Variants in PATJ observed in about 807,000 individuals in gnomAD.
PATJ encodes the protein inaD-like protein.
Under a neutral mutation model 224.9 loss-of-function variants are expected in PATJ, and 190 were observed. That is an observed-to-expected ratio of 0.84 (90% CI 0.75 to 0.95). The LOEUF is 0.95. Among genes scored for constraint, PATJ ranks in the 40% least tolerant of loss-of-function variants. The pLI, the probability that PATJ is intolerant of heterozygous loss-of-function variation, is 0.00. For synonymous variants in PATJ, 769 were observed against 820.3 expected (o/e 0.94, Z 1.07); for missense variants, 2,121 against 2,270.3 (o/e 0.93, Z 1.34).
At chr1:61,813,445 G>T (rs1292788356) in intron 14 of PATJ, among the ~76,000 whole-genome samples, 1 of 147,206 alleles carries the variant, frequency 6.8e-6, no homozygotes, top group African/African-American at 2.5e-5. Flanking sequence ...GTATAAATGG[G>T]CAGAAGGGCT....
chr1:61,800,261 AGTT>A (rs1474655823), intron 11 of PATJ, among the ~76,000 whole-genome samples: 2 of 152,106 alleles, frequency 1.3e-5, no homozygotes, highest in Non-Finnish European at 2.9e-5. Context: ...TGCCAATATC[AGTT>A]GTTTTTTGAC....
At chr1:61,934,547 T>C (rs1004847093) in intron 27 of PATJ, among the ~76,000 whole-genome samples, 2 of 152,212 alleles carry the variant, frequency 1.3e-5, no homozygotes, top group African/African-American at 4.8e-5. Context: ...AGAAGAGCCT[T>C]TGAAGAAGGT....
chr1:62,126,143 C>G (rs756161509), intron 39 of PATJ, among the ~76,000 whole-genome samples: 5 of 152,350 alleles, frequency 3.3e-5, no homozygotes, highest in Non-Finnish European at 4.4e-5. Flanking sequence ...GGTTCACAAA[C>G]AGAATTGAGG....
intron 22 of PATJ, among the ~76,000 whole-genome samples, chr1:61,898,742 T>A (rs1670714204): frequency 6.6e-6 from 1 of 152,226 alleles, no homozygotes; most frequent in Non-Finnish European, 1.5e-5. Flanking sequence ...ATTAATCTGA[T>A]AACCAAATAC....
chr1:62,150,405 G>C (rs1259825527), intron 42 of PATJ, among the ~76,000 whole-genome samples: 1 of 152,124 alleles, frequency 6.6e-6, no homozygotes, highest in African/African-American at 2.4e-5. Context: ...AACTGTAGGA[G>C]AGCTAAATTC....
At chr1:62,140,839 T>A (rs1667426049) in intron 41 of PATJ, among the ~76,000 whole-genome samples, 1 of 148,692 alleles carries the variant, frequency 6.7e-6, no homozygotes, top group African/African-American at 2.5e-5. Flanking sequence ...AGTCCAGGAG[T>A]TCAAGGCTGC....
At chr1:62,089,352 A>C (rs988246746) in intron 33 of PATJ, among the ~76,000 whole-genome samples, 2 of 151,302 alleles carry the variant, frequency 1.3e-5, no homozygotes, top group African/African-American at 2.4e-5. Flanking sequence ...TTTGCTAAAT[A>C]CTGTACTCTC....
chr1:61,766,573 G>T, intron 4 of PATJ, 100 bp downstream of exon 4: 1 of 775,148 alleles, frequency 1.3e-6, no homozygotes, highest in Middle Eastern at 2.9e-4. Flanking sequence ...AAATGTATTA[G>T]TATGTATTTT....
At chr1:62,119,003 C>CAA (rs35661742) in intron 37 of PATJ, among the ~76,000 whole-genome samples, 2,283 of 138,200 alleles carry the variant, frequency 0.017, 63 homozygotes, top group African/African-American at 0.055. Context: ...CATTAAATAT[C>CAA]AAAAAAAAAA....
At chr1:61,801,486 T>C in intron 11 of PATJ, 137 bp from the exon 12 acceptor site, 1 of 475,110 alleles carries the variant, frequency 2.1e-6, no homozygotes. Context: ...ATAAGTTACC[T>C]CAGATTTAAT....
chr1:61,919,882 A>C (rs552106198), intron 26 of PATJ, among the ~76,000 whole-genome samples: 8 of 152,260 alleles, frequency 5.3e-5, no homozygotes, highest in African/African-American at 1.9e-4. Context: ...ACATGTTTTT[A>C]ATGGCCTAGT....
chr1:61,908,756 C>T (rs538429350), intron 25 of PATJ, among the ~76,000 whole-genome samples: 29 of 152,298 alleles, frequency 1.9e-4, no homozygotes, highest in Admixed American at 1.8e-3. Context: ...TCCTTATTTA[C>T]CAGCTTTGCT....
intron 7 of PATJ, among the ~76,000 whole-genome samples, chr1:61,778,709 T>G (rs188595566): frequency 3.5e-3 from 525 of 148,540 alleles, no homozygotes; most frequent in African/African-American, 6.6e-3. Context: ...TATATATATA[T>G]ATAGAGAGAG....
intron 20 of PATJ, among the ~76,000 whole-genome samples, chr1:61,869,323 G>T (rs1306112770): frequency 2.6e-5 from 4 of 151,820 alleles, no homozygotes; most frequent in Non-Finnish European, 5.9e-5. Flanking sequence ...AGCCGGGATG[G>T]TCTCGATCTC....
intron 1 of PATJ, among the ~76,000 whole-genome samples, chr1:61,758,470 T>C (rs1014390383): frequency 1.3e-5 from 2 of 152,070 alleles, no homozygotes; most frequent in East Asian, 3.9e-4. Context: ...TGACTCAGCC[T>C]CCCGAATAGC....
intron 21 of PATJ, among the ~76,000 whole-genome samples, chr1:61,881,579 T>G (rs146952206): frequency 7.9e-5 from 12 of 151,980 alleles, no homozygotes; most frequent in South Asian, 4.2e-4. Flanking sequence ...GCCTGGCTAA[T>G]TTTTGTATTT....
intron 14 of PATJ, among the ~76,000 whole-genome samples, chr1:61,810,494 C>T (rs1274426927): frequency 4.0e-5 from 6 of 151,756 alleles, no homozygotes; most frequent in African/African-American, 7.3e-5. Context: ...GTCCGAAGTT[C>T]GAGACCAGCC....
chr1:62,122,811 G>A (rs1217818100), intron 38 of PATJ, among the ~76,000 whole-genome samples: 2 of 150,752 alleles, frequency 1.3e-5, no homozygotes, highest in African/African-American at 2.4e-5. Context: ...GTGACAAAGC[G>A]AGACTCTGTG....
chr1:61,810,572 C>T (rs141394310), intron 14 of PATJ, among the ~76,000 whole-genome samples: 3,488 of 152,042 alleles, frequency 0.023, 162 homozygotes, highest in African/African-American at 0.08. Context: ...TGGCATGCAC[C>T]TGTAGCCCCA....
Sources: gnomAD v4.1 joint callset for allele counts (sites outside exome capture counted in the v4.1 genomes callset) on GRCh38, gnomAD v4.1.1 for gene constraint, MANE v1.5 for transcripts, NCBI Gene and HGNC (gene_info 2026-07-23, HGNC 2026-07-21) for gene names.